MAML3: variants seen among roughly 807,000 people sequenced by gnomAD.
The protein encoded by MAML3 is mastermind-like protein 3.
A neutral mutation model predicts 101.9 loss-of-function variants in MAML3; 27 were observed. That is an observed-to-expected ratio of 0.27 (90% CI 0.20 to 0.37). MAML3 has a LOEUF of 0.37. MAML3 is among the 10% of genes least tolerant of loss of function. MAML3 has a pLI of 1.00. For missense variants in MAML3, 1,316 were observed against 1,444.9 expected (o/e 0.91, Z 1.45); for synonymous variants, 501 against 555.9 (o/e 0.90, Z 1.39).
intron 2 of MAML3, among the ~76,000 whole-genome samples, chr4:139,797,087 C>G (rs1214179654): frequency 1.3e-5 from 2 of 152,146 alleles, no homozygotes; most frequent in Non-Finnish European, 2.9e-5. Flanking sequence ...CATGACATTG[C>G]TTACTGAGGC....
At chr4:140,069,916 G>T (rs990798842) in intron 1 of MAML3, among the ~76,000 whole-genome samples, 15 of 151,640 alleles carry the variant, frequency 9.9e-5, no homozygotes, top group African/African-American at 3.6e-4. Context: ...AGGAGTCCCA[G>T]ACCAGCCTGA....
In MAML3 at chr4:140,044,186, G is replaced by A. The variant is rs529699671; in HGVS notation, c.468+108674C>T. 1.1e-4 allele frequency among the ~76,000 whole-genome samples: 16 copies of A among 152,152 alleles called. No homozygotes were observed. The East Asian group carries it at 2.5e-3, about 24-fold the overall frequency. ...TCAATGAGGGCTATGGGCCCGAGAC[G>A]TTTTAAAAGCAGAAAACTGTTAACA... On this transcript the variant is annotated intron_variant, in intron 1 of 4. Transcript: ENST00000509479.
chr4:139,983,327 T>C (rs1734480025), intron 1 of MAML3, among the ~76,000 whole-genome samples: 2 of 152,244 alleles, frequency 1.3e-5, no homozygotes, highest in South Asian at 4.1e-4. Context: ...TTGCTTTTTA[T>C]AGAATGTCAT....
intron 1 of MAML3, among the ~76,000 whole-genome samples, chr4:139,913,827 G>C (rs1298616179): frequency 6.6e-6 from 1 of 152,176 alleles, no homozygotes; most frequent in Non-Finnish European, 1.5e-5. Flanking sequence ...CATCTGCCAA[G>C]TCAAAACACA....
At chr4:139,736,113 CAT>C (rs1728933923) in intron 2 of MAML3, among the ~76,000 whole-genome samples, 3 of 152,112 alleles carry the variant, frequency 2.0e-5, no homozygotes, top group Admixed American at 1.3e-4. Flanking sequence ...CACACACACA[CAT>C]ACACACACAC....
rs1440542699 is a variant in MAML3 at position 139,890,217 on chromosome 4, C to T, written c.1219G>A (p.Ala407Thr). The change falls in exon 2 of 5, where the codon GCA becomes ACA. Residue 407 changes from alanine (A) to threonine (T), a missense_variant. Physicochemically the swap from Ala to Thr is moderately conservative, Grantham distance 58. Coordinates refer to ENST00000509479, the MANE Select transcript of MAML3 (RefSeq NM_018717.5). This position sits in a 1 kb window ranked among gnomAD's most constrained non-coding sequence, Gnocchi z 4.1. Reference sequence around the variant, plus strand: ...ACAGCACAGTTTGCTGGTGAGCTTGCAGGGTTTGGAGCTGCGGGAGTGCTG... The same window carrying T: ...ACAGCACAGTTTGCTGGTGAGCTTGTAGGGTTTGGAGCTGCGGGAGTGCTG... ...VASTPAAPNP[A>T]SSPANCAVQS... The T allele has an allele frequency of 1.9e-6, 3 of 1,613,310 alleles. No individual in the cohort carries two copies. The highest frequency in any genetic ancestry group is 2.7e-5 in the African/African-American group (2 of 74,894).
At chr4:140,025,874 T>C (rs926856409) in intron 1 of MAML3, among the ~76,000 whole-genome samples, 1 of 152,242 alleles carries the variant, frequency 6.6e-6, no homozygotes, top group Non-Finnish European at 1.5e-5. Flanking sequence ...ATGGATTGGC[T>C]CTCAGTCCTT....
intron 1 of MAML3, among the ~76,000 whole-genome samples, chr4:140,124,220 C>T (rs1235591365): frequency 6.6e-6 from 1 of 152,186 alleles, no homozygotes; most frequent in African/African-American, 2.4e-5. Context: ...AGTCTCAATC[C>T]ACCACACTAC....
At chr4:139,729,228 G>GA (rs1728603425) in intron 3 of MAML3, among the ~76,000 whole-genome samples, 1 of 150,944 alleles carries the variant, frequency 6.6e-6, no homozygotes, top group African/African-American at 2.4e-5. Flanking sequence ...CTCTTTGGGG[G>GA]ATGCCTGGTG....
intron 1 of MAML3, among the ~76,000 whole-genome samples, chr4:139,963,742 A>T (rs1040654338): frequency 6.6e-6 from 1 of 152,214 alleles, no homozygotes; most frequent in African/African-American, 2.4e-5. Context: ...TTTATTTATT[A>T]TTTGGACTCT....
At chr4:139,897,489 G>T (rs1235774886) in intron 1 of MAML3, among the ~76,000 whole-genome samples, 1 of 152,026 alleles carries the variant, frequency 6.6e-6, no homozygotes, top group East Asian at 1.9e-4. Flanking sequence ...GTGCTTTCGG[G>T]GATCTTCCTT....
At chr4:139,972,674 A>G (rs1734251729) in intron 1 of MAML3, among the ~76,000 whole-genome samples, 1 of 152,236 alleles carries the variant, frequency 6.6e-6, no homozygotes, top group Admixed American at 6.5e-5. Flanking sequence ...AAATGTATAC[A>G]TTTATCTAAA....
chr4:140,151,695 G>GT (rs999797311), intron 1 of MAML3, among the ~76,000 whole-genome samples: 11 of 149,808 alleles, frequency 7.3e-5, no homozygotes, highest in East Asian at 2.1e-4. Context: ...CGGTGCGGGG[G>GT]GGGGGGGCAC....
chr4:139,955,065 T>C (rs1347398006), intron 1 of MAML3, among the ~76,000 whole-genome samples: 5 of 152,176 alleles, frequency 3.3e-5, no homozygotes, highest in African/African-American at 9.7e-5. Flanking sequence ...TCTGCTCAGC[T>C]TGCAGGTCTA....
At chr4:139,819,909 G>T (rs756454595) in intron 2 of MAML3, among the ~76,000 whole-genome samples, 10 of 152,050 alleles carry the variant, frequency 6.6e-5, no homozygotes, top group Non-Finnish European at 1.0e-4. Context: ...ATTTTCTTCC[G>T]CTCTGATTCC....
chr4:139,944,445 T>G (rs1733668502), intron 1 of MAML3, among the ~76,000 whole-genome samples: 1 of 152,130 alleles, frequency 6.6e-6, no homozygotes, highest in African/African-American at 2.4e-5. Flanking sequence ...TTTTTTGTTC[T>G]TGCGATAGTT....
Position 139,825,111 on chromosome 4 carries a change from C to T in MAML3, c.2079+64246G>A, listed in dbSNP as rs145901348. Among the ~76,000 whole-genome samples the T allele has an allele frequency of 5.0e-3, 757 of 151,924 alleles. 4 individuals carry two copies. The highest frequency in any genetic ancestry group is 7.7e-3 in the Non-Finnish European group (526 of 68,002). On this transcript the variant is annotated intron_variant, in intron 2 of 4. Transcript: ENST00000509479. ...ATCAAATTAATGAAGCCTATCTAGA[C>T]GGGAGGAAGTTGGGGTAGAAGACAG... is the stretch of plus-strand genomic sequence containing the variant.
chr4:140,074,087 G>T (rs770075676), intron 1 of MAML3, among the ~76,000 whole-genome samples: 1 of 151,346 alleles, frequency 6.6e-6, no homozygotes, highest in African/African-American at 2.4e-5. Context: ...AGCCAAGATT[G>T]TGCCACTGCA....
intron 1 of MAML3, among the ~76,000 whole-genome samples, chr4:140,105,100 C>G (rs1218990263): frequency 6.6e-6 from 1 of 152,122 alleles, no homozygotes; most frequent in Admixed American, 6.5e-5. Flanking sequence ...TATCCTGAAA[C>G]TCCCTGACTT....
Sources: gnomAD v4.1 joint callset for allele counts (sites outside exome capture counted in the v4.1 genomes callset) on GRCh38, gnomAD v4.1.1 for gene constraint, Gnocchi (gnomAD v3.1) non-coding constraint, MANE v1.5 for transcripts, NCBI Gene and HGNC (gene_info 2026-07-23, HGNC 2026-07-21) for gene names.